GPM6B: variants seen among roughly 807,000 people sequenced by gnomAD.
GPM6B encodes neuronal membrane glycoprotein M6-b.
A neutral mutation model predicts 27.2 loss-of-function variants in GPM6B; 4 were observed. The ratio of observed to expected loss-of-function variants is 0.15; its 90% CI spans 0.07 to 0.34. The LOEUF (loss-of-function observed/expected upper bound fraction) is 0.34. GPM6B is among the 10% of genes least tolerant of loss of function. The pLI, the probability that GPM6B is intolerant of heterozygous loss-of-function variation, is 1.00. For missense variants in GPM6B, 183 were observed against 261.9 expected, an observed-to-expected ratio of 0.70 and a Z score of 2.08; for synonymous variants, 124 against 103.1, an observed-to-expected ratio of 1.20 and a Z score of -1.23.
intron 2 of GPM6B, among the ~76,000 whole-genome samples, chrX:13,806,564 C>A (rs1206120408): frequency 3.6e-5 from 4 of 111,723 alleles, no homozygotes; most frequent in Admixed American, 1.9e-4. Context: ...AATGCATAAC[C>A]CAAGACAGAA....
intron 1 of GPM6B, among the ~76,000 whole-genome samples, chrX:13,832,149 G>A (rs1297545305): frequency 9.0e-6 from 1 of 111,486 alleles, no homozygotes; most frequent in African/African-American, 3.3e-5. Flanking sequence ...CTGGCAGGGT[G>A]GATTCAGGTG....
chrX:13,847,364 CTT>C (rs2052868554), intron 1 of GPM6B, among the ~76,000 whole-genome samples: 2 of 112,307 alleles, frequency 1.8e-5, no homozygotes, highest in South Asian at 3.7e-4. Flanking sequence ...AACAAATACT[CTT>C]GTTCTTTATA....
chrX:13,906,815 A>T (rs1279626947), intron 1 of GPM6B, among the ~76,000 whole-genome samples: 1 of 111,974 alleles, frequency 8.9e-6, no homozygotes, highest in Non-Finnish European at 1.9e-5. Context: ...GATATTCCCA[A>T]ACTTGACTCC....
At chrX:13,836,612 C>T (rs2049497123) in intron 1 of GPM6B, among the ~76,000 whole-genome samples, 1 of 112,324 alleles carries the variant, frequency 8.9e-6, no homozygotes, top group Non-Finnish European at 1.9e-5. Flanking sequence ...GTAAAGACAT[C>T]CTATATTTTT....
At chrX:13,863,570 G>T (rs1015910793) in intron 1 of GPM6B, among the ~76,000 whole-genome samples, 5 of 111,647 alleles carry the variant, frequency 4.5e-5, no homozygotes, top group Non-Finnish European at 5.6e-5. Context: ...CTTTTTCCAC[G>T]CTGGCTGCTT....
rs143593457 is a variant in GPM6B at position 13,794,102 on chromosome X, T to C, written c.182-8294A>G. ...AAGCTACAAAGGCAGGGTTGAGTTG[T>C]TGCCACAGGTATTTACTATGTGGCC... On this transcript the variant is annotated intron_variant, in intron 2 of 7. Coordinates refer to ENST00000316715, the MANE Select transcript of GPM6B (RefSeq NM_001001995.3). Among the ~76,000 whole-genome samples the C allele has an allele frequency of 1.7e-3, 193 of 111,807 alleles. 1 individual carries two copies. The highest frequency in any genetic ancestry group is 6.0e-3 in the African/African-American group (185 of 30,818).
intron 1 of GPM6B, among the ~76,000 whole-genome samples, chrX:13,842,955 C>T (rs961864035): frequency 1.8e-5 from 2 of 111,310 alleles, no homozygotes; most frequent in Non-Finnish European, 3.8e-5. Flanking sequence ...TACAATTCAC[C>T]ATTTTAAGTG....
At chrX:13,796,719 A>T (rs1367818491) in intron 2 of GPM6B, among the ~76,000 whole-genome samples, 1 of 112,745 alleles carries the variant, frequency 8.9e-6, no homozygotes, top group Non-Finnish European at 1.9e-5. Context: ...AAATCTGTTT[A>T]ATAAGGGATT....
chrX:13,874,772 T>C (rs778543931), intron 1 of GPM6B, among the ~76,000 whole-genome samples: 1 of 111,208 alleles, frequency 9.0e-6, no homozygotes, highest in Non-Finnish European at 1.9e-5. Flanking sequence ...GAGTCAAACA[T>C]ACTGATTTTG....
chrX:13,805,341 C>T (rs1347560612), intron 2 of GPM6B, among the ~76,000 whole-genome samples: 1 of 111,464 alleles, frequency 9.0e-6, no homozygotes, highest in East Asian at 2.8e-4. Flanking sequence ...GGCAGCAAAA[C>T]CTGTTCTGAT....
chrX:13,865,238 T>C (rs1017187394), intron 1 of GPM6B, among the ~76,000 whole-genome samples: 1 of 110,473 alleles, frequency 9.1e-6, no homozygotes, highest in Non-Finnish European at 1.9e-5. Flanking sequence ...TCCATGTCAC[T>C]AAATGCAAGT....
intron 1 of GPM6B, among the ~76,000 whole-genome samples, chrX:13,830,598 G>A (rs1212531938): frequency 1.8e-5 from 2 of 111,925 alleles, no homozygotes; most frequent in Non-Finnish European, 1.9e-5. Flanking sequence ...TAAAATACAC[G>A]TATGTACTAG....
At chrX:13,881,524 GAAT>G (rs1288478643) in intron 1 of GPM6B, among the ~76,000 whole-genome samples, 1 of 97,908 alleles carries the variant, frequency 1.0e-5, no homozygotes, top group Non-Finnish European at 2.1e-5. Context: ...AAAAAAAAAA[GAAT>G]GAGATATAAG....
At chrX:13,798,724 T>A (rs1002465448) in intron 2 of GPM6B, among the ~76,000 whole-genome samples, 1 of 112,725 alleles carries the variant, frequency 8.9e-6, no homozygotes, top group African/African-American at 3.2e-5. Context: ...CTGCTTCACT[T>A]AGAACCAATT....
chrX:13,826,258 C>T (rs1232373833), intron 1 of GPM6B, among the ~76,000 whole-genome samples: 2 of 110,277 alleles, frequency 1.8e-5, no homozygotes, highest in Non-Finnish European at 3.8e-5. Context: ...GCACAGAGAC[C>T]CTAGGGAGGT....
rs752136575 is a variant in GPM6B at position 13,833,332 on chromosome X, A to G, written c.-197-47524T>C. ...CTAGATCAAGTGAATGCTATTGTCT[A>G]TGCTGACCTCACAAGCTATTTGATA... On this transcript the variant is annotated intron_variant, in intron 1 of 6. Transcript: ENST00000398361. Among the ~76,000 whole-genome samples the G allele has an allele frequency of 6.3e-5, 7 of 111,326 alleles. No homozygotes were observed. In the South Asian group the frequency reaches 2.7e-3, roughly 43 times the overall value.
At chrX:13,852,605 CAT>C (rs1181315503) in intron 1 of GPM6B, among the ~76,000 whole-genome samples, 1 of 110,658 alleles carries the variant, frequency 9.0e-6, no homozygotes, top group Non-Finnish European at 1.9e-5. Context: ...ATTTAATTCA[CAT>C]GAGAAAACTT....
chrX:13,936,513 G>C (rs1260478886), intron 1 of GPM6B, among the ~76,000 whole-genome samples: 1 of 111,896 alleles, frequency 8.9e-6, no homozygotes, highest in Non-Finnish European at 1.9e-5. Context: ...GAGGATGCAC[G>C]GTAATTAAAT....
intron 2 of GPM6B, among the ~76,000 whole-genome samples, chrX:13,800,732 T>C (rs2048906156): frequency 8.9e-6 from 1 of 111,956 alleles, no homozygotes; most frequent in Non-Finnish European, 1.9e-5. Context: ...TCTATGTATA[T>C]AGCAGTGGTG....
Sources: gnomAD v4.1 joint callset for allele counts (sites outside exome capture counted in the v4.1 genomes callset) on GRCh38, gnomAD v4.1.1 for gene constraint, MANE v1.5 for transcripts, NCBI Gene and HGNC (gene_info 2026-07-23, HGNC 2026-07-21) for gene names.